Variants in ZNF365 observed in about 807,000 individuals in gnomAD.
ZNF365 encodes protein ZNF365.
In ZNF365, 22 loss-of-function variants were observed where a neutral mutation model predicts 35.0. The ratio of observed to expected loss-of-function variants is 0.63; its 90% confidence interval spans 0.45 to 0.90. The LOEUF is 0.90. ZNF365 is among the 40% of genes least tolerant of loss of function. ZNF365 has a pLI of 0.00. For missense variants in ZNF365, 448 were observed against 500.3 expected (o/e 0.90, Z 1.00); for synonymous variants, 188 against 196.2 (o/e 0.96, Z 0.35).
chr10:62,422,529 G>A (rs1468414625), intron 3 of ZNF365, among the ~76,000 whole-genome samples: 2 of 152,130 alleles, frequency 1.3e-5, no homozygotes, highest in Non-Finnish European at 2.9e-5. Context: ...TGACCAAGCA[G>A]ACCCAATGAT....
At chr10:62,479,865 T>G (rs778694995) in intron 4 of ZNF365, 1 of 1,602,768 alleles carries the variant, frequency 6.2e-7, no homozygotes, top group South Asian at 1.1e-5. Context: ...CCTTTTGGCT[T>G]TTATGACTAG....
chr10:62,448,582 A>G (rs959649168), intron 3 of ZNF365, among the ~76,000 whole-genome samples: 1 of 152,182 alleles, frequency 6.6e-6, no homozygotes, highest in African/African-American at 2.4e-5. Flanking sequence ...ATCCTAACAC[A>G]TAAACGGTCC....
chr10:62,393,813 G>A (rs1160128802), intron 3 of ZNF365, among the ~76,000 whole-genome samples: 2 of 152,166 alleles, frequency 1.3e-5, no homozygotes, highest in African/African-American at 4.8e-5. Flanking sequence ...ATTTACAGAC[G>A]AGAGCTGTGT....
At chr10:62,439,772 A>G (rs988325484) in intron 3 of ZNF365, among the ~76,000 whole-genome samples, 1 of 152,164 alleles carries the variant, frequency 6.6e-6, no homozygotes, top group African/African-American at 2.4e-5. Context: ...CTATTACTTA[A>G]TTTAATGTCT....
chr10:62,431,487 GC>G (rs1564586924), intron 3 of ZNF365, among the ~76,000 whole-genome samples: 9 of 31,896 alleles, frequency 2.8e-4, no homozygotes, highest in African/African-American at 5.3e-4. Context: ...CATAGTCTAT[GC>G]TGTTAATAGT....
At chr10:62,380,417 T>C (rs2132409960) in intron 2 of ZNF365, among the ~76,000 whole-genome samples, 1 of 152,358 alleles carries the variant, frequency 6.6e-6, no homozygotes, top group African/African-American at 2.4e-5. Flanking sequence ...ATGTAATACA[T>C]GTAATATACA....
At chr10:62,407,675 A>T (rs1483931118) in intron 3 of ZNF365, among the ~76,000 whole-genome samples, 5 of 152,304 alleles carry the variant, frequency 3.3e-5, no homozygotes, top group Non-Finnish European at 5.9e-5. Flanking sequence ...GTATTGAACT[A>T]TTACTGTGTA....
intron 4 of ZNF365, chr10:62,459,900 G>A (rs539808613): frequency 3.0e-6 from 3 of 985,262 alleles, no homozygotes; most frequent in East Asian, 5.3e-5. Flanking sequence ...CAGGCCATTG[G>A]TTTCTGTATG....
chr10:62,455,922 A>T (rs1840754802), intron 3 of ZNF365, among the ~76,000 whole-genome samples: 1 of 152,214 alleles, frequency 6.6e-6, no homozygotes, highest in African/African-American at 2.4e-5. Flanking sequence ...CAGGGCCTGT[A>T]CCATGAAATC....
chr10:62,445,802 GT>G (rs2132468612), intron 3 of ZNF365, among the ~76,000 whole-genome samples: 1 of 152,228 alleles, frequency 6.6e-6, no homozygotes, highest in East Asian at 1.9e-4. Flanking sequence ...TCTGATATTT[GT>G]TTTGCTCATC....
Position 62,401,899 on chromosome 10 carries a change from A to G in ZNF365, c.*2110A>G. ...ATTTCACAAGACGAATTATTTTGAG[A>G]TTTGTTTATTATATTAAAATGTTTT... On this transcript the variant is annotated 3_prime_UTR_variant, in exon 5 of 5. Transcript: ENST00000395254. The G allele has an allele frequency of 1.0e-6, 1 of 985,302 alleles. No homozygotes were observed. 61.0% of individuals were successfully genotyped at this position (985,302 alleles called of 1,614,324 possible).
At chr10:62,405,311 G>T (rs147385999), downstream of ZNF365, among the ~76,000 whole-genome samples, 1 of 152,106 alleles carries the variant, frequency 6.6e-6, no homozygotes, top group Non-Finnish European at 1.5e-5. Context: ...TTATTCTTCA[G>T]CTTTTGCCTT....
chr10:62,474,987 TC>T (rs1198912978), intron 4 of ZNF365, among the ~76,000 whole-genome samples: 3 of 152,236 alleles, frequency 2.0e-5, no homozygotes, highest in African/African-American at 7.2e-5. Context: ...GTAAGCGGTT[TC>T]CTTTTGGACA....
chr10:62,389,365 A>G (rs1252540731), intron 3 of ZNF365, among the ~76,000 whole-genome samples: 1 of 151,910 alleles, frequency 6.6e-6, no homozygotes, highest in Non-Finnish European at 1.5e-5. Context: ...AAAGCGGTTT[A>G]TTTATAACAT....
intron 4 of ZNF365, among the ~76,000 whole-genome samples, chr10:62,476,529 C>T (rs946618439): frequency 4.6e-5 from 7 of 152,188 alleles, no homozygotes; most frequent in African/African-American, 1.7e-4. Context: ...GACGTCCTAA[C>T]TAAGGTCATA....
At chr10:62,410,790 A>T (rs979125169) in intron 3 of ZNF365, among the ~76,000 whole-genome samples, 3 of 151,798 alleles carry the variant, frequency 2.0e-5, no homozygotes, top group Admixed American at 6.6e-5. Flanking sequence ...GGTTAATTCC[A>T]TGTCTTTGGT....
intron 2 of ZNF365, among the ~76,000 whole-genome samples, chr10:62,381,714 G>A (rs946795682): frequency 6.6e-6 from 1 of 152,110 alleles, no homozygotes; most frequent in Admixed American, 6.5e-5. Flanking sequence ...CCCAGCCCAG[G>A]GCTTTTCACT....
intron 4 of ZNF365, among the ~76,000 whole-genome samples, chr10:62,479,037 A>G (rs1841178579): frequency 6.6e-6 from 1 of 152,226 alleles, no homozygotes; most frequent in Admixed American, 6.5e-5. Context: ...TTTAATTTCT[A>G]GTACCTTGCA....
chr10:62,388,746 C>T (rs1332284541), intron 3 of ZNF365, among the ~76,000 whole-genome samples, 170 bp downstream of exon 3: 1 of 152,134 alleles, frequency 6.6e-6, no homozygotes, highest in Non-Finnish European at 1.5e-5. Context: ...GAGTCCAGGA[C>T]GCCTGGAAGT....
Sources: allele counts gnomAD v4.1 joint callset (sites outside exome capture counted in the v4.1 genomes callset), GRCh38; gene constraint gnomAD v4.1.1; transcripts MANE v1.5; gene names NCBI Gene and HGNC (gene_info 2026-07-23, HGNC 2026-07-21).